The following WWC2 variants were observed in gnomAD, a reference collection of about 807,000 sequenced individuals.
WWC2 encodes WW and C2 domain containing 2.
Under a neutral mutation model 138.5 loss-of-function variants are expected in WWC2, and 101 were observed. That is an observed-to-expected ratio of 0.73 (90% CI 0.62 to 0.86). The LOEUF is 0.86. Ranked by LOEUF, WWC2 falls within the 40% of genes least tolerant of loss-of-function variation. The pLI is 0.00. For synonymous variants in WWC2, 558 were observed against 538.4 expected (o/e 1.04, Z -0.50); for missense variants, 1,420 against 1,419.4 (o/e 1.00, Z -0.01).
At chr4:183,282,949 G>C in intron 18 of WWC2, 43 bp downstream of exon 18, 1 of 1,503,840 alleles carries the variant, frequency 6.6e-7, no homozygotes, top group Non-Finnish European at 8.9e-7. Flanking sequence ...TACCTTACAG[G>C]CACCATGTGG....
At chr4:183,113,522 G>A (rs577639490) in intron 1 of WWC2, among the ~76,000 whole-genome samples, 2,733 of 147,526 alleles carry the variant, frequency 0.019, 83 homozygotes, top group African/African-American at 0.062. Context: ...GTGTGCGCGC[G>A]CGTGCGCGCG....
At chr4:183,261,580 G>C (rs1253089523) in intron 11 of WWC2, 48 bp downstream of exon 11, 3 of 1,538,534 alleles carry the variant, frequency 1.9e-6, no homozygotes, top group Admixed American at 4.1e-5. Flanking sequence ...GTGATTTTAA[G>C]GAGAATGATT....
chr4:183,141,891 T>C (rs1225758071), intron 1 of WWC2, among the ~76,000 whole-genome samples: 1 of 152,238 alleles, frequency 6.6e-6, no homozygotes, highest in Admixed American at 6.5e-5. Flanking sequence ...CCATGAATAC[T>C]ACAGCAAAAA....
chr4:183,285,894 G>A (rs1738232359), intron 19 of WWC2, 73 bp from the exon 20 acceptor site: 1 of 1,368,540 alleles, frequency 7.3e-7, no homozygotes, highest in African/African-American at 1.4e-5. Context: ...CTTGGTAAAT[G>A]TCTCAATCCC....
chr4:183,147,343 G>A (rs2111108593), intron 1 of WWC2, among the ~76,000 whole-genome samples: 1 of 152,342 alleles, frequency 6.6e-6, no homozygotes, highest in African/African-American at 2.4e-5. Context: ...TACACAGCTA[G>A]TCTGTGTTAT....
Position 183,319,806 on chromosome 4 carries a change from G to A in WWC2, c.*4077G>A, listed in dbSNP as rs751567996. Reference sequence around the variant, plus strand: ...CTGAACCGTCTTGTGGGCAACCCAAGAGACGGGAACCAGGGCTGTGACTCC... The same window carrying A: ...CTGAACCGTCTTGTGGGCAACCCAAAAGACGGGAACCAGGGCTGTGACTCC... On this transcript the variant is annotated 3_prime_UTR_variant, in exon 23 of 23. Coordinates refer to ENST00000403733, the MANE Select transcript of WWC2 (RefSeq NM_024949.6). 3 of 1,613,880 alleles carry A rather than the reference G, an allele frequency of 1.9e-6. No homozygotes were observed. Among genetic ancestry groups the A allele is most frequent in the African/African-American group, 2.7e-5 (2 of 74,884 alleles).
chr4:183,260,786 C>A, intron 10 of WWC2, 124 bp from the exon 11 acceptor site: 2 of 1,316,944 alleles, frequency 1.5e-6, no homozygotes, highest in Non-Finnish European at 2.0e-6. Context: ...TCCTCTGTCC[C>A]TGGCCATTGA....
intron 1 of WWC2, among the ~76,000 whole-genome samples, chr4:183,181,741 G>A (rs1279823521): frequency 6.6e-6 from 1 of 152,138 alleles, no homozygotes; most frequent in African/African-American, 2.4e-5. Context: ...ATTTTCATCT[G>A]TGCAAGGAGT....
chr4:183,195,832 T>G (rs995791951), intron 2 of WWC2, among the ~76,000 whole-genome samples: 2 of 152,172 alleles, frequency 1.3e-5, no homozygotes, highest in African/African-American at 4.8e-5. Context: ...TCACAGAACC[T>G]GTTCTTGCTG....
At chr4:183,164,485 G>C (rs932048906) in intron 1 of WWC2, among the ~76,000 whole-genome samples, 1 of 149,456 alleles carries the variant, frequency 6.7e-6, no homozygotes, top group African/African-American at 2.5e-5. Flanking sequence ...ATTAGGAGTT[G>C]ATCTTCAAAA....
At chr4:183,222,681 T>G (rs970164651) in intron 4 of WWC2, among the ~76,000 whole-genome samples, 1 of 152,140 alleles carries the variant, frequency 6.6e-6, no homozygotes, top group Admixed American at 6.5e-5. Context: ...TATAAAAATA[T>G]GTGGCCAGGC....
intron 1 of WWC2, among the ~76,000 whole-genome samples, chr4:183,103,138 T>A (rs146373550): frequency 4.8e-4 from 73 of 151,984 alleles, no homozygotes; most frequent in African/African-American, 1.7e-3. Flanking sequence ...GACACTAATC[T>A]GTGGCTTATG....
chr4:183,121,785 CTTTTTTT>C (rs528295307), intron 1 of WWC2, among the ~76,000 whole-genome samples: 2 of 124,226 alleles, frequency 1.6e-5, no homozygotes, highest in Admixed American at 1.6e-4. Flanking sequence ...TGTTAAGAAG[CTTTTTTT>C]TTTTTTTTTT....
chr4:183,167,452 T>C (rs1252270501), intron 1 of WWC2, among the ~76,000 whole-genome samples: 2 of 152,114 alleles, frequency 1.3e-5, no homozygotes, highest in Non-Finnish European at 2.9e-5. Context: ...TGCATTTGAG[T>C]TGGGCTTTGT....
intron 4 of WWC2, among the ~76,000 whole-genome samples, chr4:183,211,021 C>G (rs1448993030): frequency 6.6e-6 from 1 of 152,220 alleles, no homozygotes; most frequent in Non-Finnish European, 1.5e-5. Flanking sequence ...TTGCCTACAT[C>G]TCACAAGTTT....
intron 1 of WWC2, among the ~76,000 whole-genome samples, chr4:183,107,580 C>A (rs1732068392): frequency 6.6e-6 from 1 of 152,128 alleles, no homozygotes; most frequent in African/African-American, 2.4e-5. Context: ...CTTATTCTAG[C>A]CTTTTATAGC....
At chr4:183,110,087 TAAAG>T (rs1732185080) in intron 1 of WWC2, among the ~76,000 whole-genome samples, 1 of 152,210 alleles carries the variant, frequency 6.6e-6, no homozygotes, top group Non-Finnish European at 1.5e-5. Context: ...TGGCAGGGCC[TAAAG>T]TAGAGATTGC....
intron 1 of WWC2, among the ~76,000 whole-genome samples, chr4:183,130,848 C>A (rs939393205): frequency 6.6e-6 from 1 of 152,198 alleles, no homozygotes; most frequent in African/African-American, 2.4e-5. Context: ...TTCTCCTCTA[C>A]CTCCTGAAAA....
intron 1 of WWC2, among the ~76,000 whole-genome samples, chr4:183,175,257 TA>T (rs1370224386): frequency 1.3e-5 from 2 of 152,142 alleles, no homozygotes; most frequent in South Asian, 2.1e-4. Context: ...CTTATTTATT[TA>T]TTTTTTTGTT....
Sources: gnomAD v4.1 joint callset for allele counts (sites outside exome capture counted in the v4.1 genomes callset) on GRCh38, gnomAD v4.1.1 for gene constraint, MANE v1.5 for transcripts, NCBI Gene and HGNC (gene_info 2026-07-23, HGNC 2026-07-21) for gene names.